Variants in STOX2 observed in about 807,000 individuals in gnomAD.
The protein encoded by STOX2 is storkhead-box protein 2.
A neutral mutation model predicts 60.9 loss-of-function variants in STOX2; 28 were observed. That is an observed-to-expected ratio of 0.46 (90% CI 0.34 to 0.63). The LOEUF (loss-of-function observed/expected upper bound fraction) is 0.63. Among genes scored for constraint, STOX2 ranks in the 30% least tolerant of loss-of-function variants. STOX2 has a pLI of 0.01. For missense variants in STOX2, 1,024 were observed against 1,187.7 expected (o/e 0.86, Z 2.03); for synonymous variants, 472 against 463.9 (o/e 1.02, Z -0.22).
At position 184,009,917 on chromosome 4, in the gene STOX2, G is replaced by A; in HGVS notation, c.1079G>A (p.Ser360Asn). The A allele has an allele frequency of 6.2e-7, 1 of 1,612,930 alleles. No homozygotes were observed. Among genetic ancestry groups the A allele is most frequent in the Non-Finnish European group, 8.5e-7 (1 of 1,179,406 alleles). Reference sequence around the variant, plus strand: ...CATCACAGCGGAAGGAGTAAAAAGAGTAGGACTCATCGGAAGTCCCATGGA... The same window carrying A: ...CATCACAGCGGAAGGAGTAAAAAGAATAGGACTCATCGGAAGTCCCATGGA... ...SAHHSGRSKK[S>N]RTHRKSHGKS... Residue 360 changes from serine to asparagine, a missense_variant, in exon 3 of 4, where the codon AGT becomes AAT. Coordinates refer to ENST00000308497, the MANE Select transcript of STOX2 (RefSeq NM_020225.3). The surrounding 1 kb of genome is among the most constrained non-coding windows in gnomAD (Gnocchi z 4.0).
chr4:183,942,555 C>T (rs994216317), intron 1 of STOX2, among the ~76,000 whole-genome samples: 1 of 151,086 alleles, frequency 6.6e-6, no homozygotes, highest in Non-Finnish European at 1.5e-5. Flanking sequence ...TCCAGCTCTT[C>T]CTTAATTATA....
intron 1 of STOX2, among the ~76,000 whole-genome samples, chr4:183,888,650 CT>C (rs1741138269): frequency 1.3e-5 from 2 of 152,324 alleles, no homozygotes; most frequent in African/African-American, 4.8e-5. Flanking sequence ...CCCGTGGTTA[CT>C]TCTTATTCTG....
chr4:183,965,334 G>A (rs951315529), intron 1 of STOX2, among the ~76,000 whole-genome samples: 15 of 152,182 alleles, frequency 9.9e-5, no homozygotes, highest in African/African-American at 3.4e-4. Flanking sequence ...TATTAATTGT[G>A]AACCTATATG....
At chr4:183,959,084 G>A (rs899714906) in intron 1 of STOX2, among the ~76,000 whole-genome samples, 1 of 151,936 alleles carries the variant, frequency 6.6e-6, no homozygotes, top group Non-Finnish European at 1.5e-5. Context: ...TTGATGTCTC[G>A]GTGTTCTCAT....
chr4:183,916,059 G>T (rs934948276), intron 1 of STOX2, among the ~76,000 whole-genome samples: 2 of 152,266 alleles, frequency 1.3e-5, no homozygotes, highest in African/African-American at 4.8e-5. Flanking sequence ...AGAGACCTGG[G>T]TTCCACCCAG....
intron 1 of STOX2, among the ~76,000 whole-genome samples, chr4:183,871,279 C>T (rs543340156): frequency 8.4e-4 from 128 of 152,280 alleles, no homozygotes; most frequent in African/African-American, 2.8e-3. Flanking sequence ...TCTCCTTGGC[C>T]GCCCTTCAGA....
intron 1 of STOX2, among the ~76,000 whole-genome samples, chr4:183,939,077 G>A (rs970106994): frequency 6.6e-6 from 1 of 152,178 alleles, no homozygotes; most frequent in African/African-American, 2.4e-5. Flanking sequence ...GCTATCGGTA[G>A]CTAACCAGGT....
intron 1 of STOX2, among the ~76,000 whole-genome samples, chr4:183,965,860 G>T (rs1234639471): frequency 6.6e-6 from 1 of 152,114 alleles, no homozygotes; most frequent in African/African-American, 2.4e-5. Flanking sequence ...GAAGGGGGTG[G>T]TTAGGGAAGA....
intron 1 of STOX2, among the ~76,000 whole-genome samples, chr4:183,873,715 G>A (rs1205496684): frequency 1.3e-5 from 2 of 152,168 alleles, no homozygotes; most frequent in Non-Finnish European, 2.9e-5. Flanking sequence ...TTCTTTGGAA[G>A]AAAGCTACTT....
chr4:184,010,185 G>A lies in STOX2; in HGVS notation c.1347G>A (p.Arg449=). 2 of 1,555,252 alleles carry A rather than the reference G, an allele frequency of 1.3e-6. No individual in the cohort carries two copies. Among genetic ancestry groups the A allele is most frequent in the East Asian group, 2.4e-5 (1 of 41,130 alleles). Residue 449 remains arginine (R), a synonymous_variant, in exon 3 of 4, where the codon AGG becomes AGA. Coordinates refer to ENST00000308497, the MANE Select transcript of STOX2 (RefSeq NM_020225.3). The surrounding 1 kb of genome is among the most constrained non-coding windows in gnomAD (Gnocchi z 4.5). ...EWDVSGELAK[R]RTEMPFPEPS... ...ATGTGTCTGGTGAATTGGCTAAAAG[G>A]AGAACTGAGATGCCTTTTCCTGAAC...
At chr4:183,997,665 G>A (rs545469662) in intron 1 of STOX2, among the ~76,000 whole-genome samples, 15 of 152,318 alleles carry the variant, frequency 9.8e-5, no homozygotes, top group Admixed American at 9.8e-4. Context: ...GGACAGGCCA[G>A]GAAGCATTTG....
chr4:183,931,970 G>A (rs1294800320), intron 1 of STOX2, among the ~76,000 whole-genome samples: 1 of 152,166 alleles, frequency 6.6e-6, no homozygotes, highest in Non-Finnish European at 1.5e-5. Flanking sequence ...ATGGAGACCA[G>A]GGAAGGGCTG....
chr4:183,891,638 G>A (rs1741217551), intron 1 of STOX2, among the ~76,000 whole-genome samples: 1 of 151,580 alleles, frequency 6.6e-6, no homozygotes, highest in Non-Finnish European at 1.5e-5. Context: ...GGGATAAAAG[G>A]CCAAAAATTG....
rs928790331 is a variant in STOX2, at chr4:184,020,074, A to G, written c.*2790A>G. The G allele has an allele frequency of 2.6e-5, 4 of 152,182 alleles. No homozygotes were observed. Among genetic ancestry groups the G allele is most frequent in the Non-Finnish European group, 5.9e-5 (4 of 68,030 alleles). The allele number at this position is 152,182 out of a possible 1,614,324, so 9.4% of individuals were successfully genotyped here. On this transcript the variant is annotated 3_prime_UTR_variant, in exon 4 of 4. Transcript: ENST00000308497. ...TTATTATGATACAACATATTACTTT[A>G]TGGTAATTTTTATTTTTACATATAA...
chr4:183,913,009 A>G (rs139315589), intron 1 of STOX2, among the ~76,000 whole-genome samples: 1 of 152,324 alleles, frequency 6.6e-6, no homozygotes, highest in Non-Finnish European at 1.5e-5. Context: ...TCAAGAGTCA[A>G]GTTGGGGTGG....
intron 1 of STOX2, among the ~76,000 whole-genome samples, chr4:183,933,926 A>G (rs1461346907): frequency 6.6e-6 from 1 of 152,234 alleles, no homozygotes; most frequent in Non-Finnish European, 1.5e-5. Context: ...TAAAAATAGG[A>G]AAGTAAGCAG....
At chr4:183,847,336 C>A (rs888586253) in intron 1 of STOX2, among the ~76,000 whole-genome samples, 4 of 152,116 alleles carry the variant, frequency 2.6e-5, no homozygotes, top group Non-Finnish European at 4.4e-5. Flanking sequence ...CCTAGCCTTT[C>A]CTTTTAGGTT....
At chr4:183,829,919 G>C (rs765959225) in intron 1 of STOX2, among the ~76,000 whole-genome samples, 7 of 152,338 alleles carry the variant, frequency 4.6e-5, no homozygotes, top group Non-Finnish European at 8.8e-5. Context: ...TGTGTGTGCT[G>C]GGTGTTTCAG....
rs1431589905 is a variant in STOX2 at position 184,006,972 on chromosome 4, C to T, written c.320-2186C>T. Among the ~76,000 whole-genome samples, 21 of 130,310 alleles carry T rather than the reference C, an allele frequency of 1.6e-4. 1 individual carries two copies. The highest frequency in any genetic ancestry group is 4.9e-4 in the African/African-American group (17 of 34,590). 85.5% of individuals were successfully genotyped at this position (130,310 alleles called of 152,430 possible). On this transcript the variant is annotated intron_variant, in intron 2 of 3. Coordinates refer to ENST00000308497, the MANE Select transcript of STOX2 (RefSeq NM_020225.3). ...CGGAGCTTGCAGTGAGCCGAGATCC[C>T]GCCACTGCACTCCAGCCTGGGCGAC...
Sources: allele counts gnomAD v4.1 joint callset (sites outside exome capture counted in the v4.1 genomes callset), GRCh38; gene constraint gnomAD v4.1.1; non-coding constraint Gnocchi (gnomAD v3.1); transcripts MANE v1.5; gene names NCBI Gene and HGNC (gene_info 2026-07-23, HGNC 2026-07-21).